The following VWC2L variants were observed in gnomAD, a reference collection of about 807,000 sequenced individuals.
The protein encoded by VWC2L is von Willebrand factor C domain-containing protein 2-like.
A neutral mutation model predicts 21.6 loss-of-function variants in VWC2L; 10 were observed. That is an observed-to-expected ratio of 0.46 (90% CI 0.29 to 0.78). VWC2L has a LOEUF of 0.78. VWC2L is among the 30% of genes least tolerant of loss of function. VWC2L has a pLI of 0.10. For missense variants in VWC2L, 209 were observed against 277.1 expected (o/e 0.75, Z 1.74); for synonymous variants, 96 against 94.3 (o/e 1.02, Z -0.10).
At chr2:214,466,003 G>A (rs1703211042) in intron 3 of VWC2L, among the ~76,000 whole-genome samples, 1 of 152,180 alleles carries the variant, frequency 6.6e-6, no homozygotes, top group South Asian at 2.1e-4. Flanking sequence ...ACTGCCAGAG[G>A]ATGTGGGAGG....
At chr2:214,532,316 T>C (rs1689448945) in intron 3 of VWC2L, among the ~76,000 whole-genome samples, 1 of 152,102 alleles carries the variant, frequency 6.6e-6, no homozygotes, top group Non-Finnish European at 1.5e-5. Flanking sequence ...GGTGATAAAA[T>C]CTGATCTTTT....
intron 3 of VWC2L, among the ~76,000 whole-genome samples, chr2:214,456,886 T>A (rs143890696): frequency 6.6e-6 from 1 of 152,140 alleles, no homozygotes; most frequent in South Asian, 2.1e-4. Context: ...TGGCTGTAAA[T>A]ATATGGATTT....
At chr2:214,567,751 T>C (rs1157755620) in intron 3 of VWC2L, among the ~76,000 whole-genome samples, 1 of 152,094 alleles carries the variant, frequency 6.6e-6, no homozygotes, top group Non-Finnish European at 1.5e-5. Context: ...AAAAAAATGG[T>C]GCTGTATCCC....
chr2:214,571,182 G>A (rs1261672464), intron 3 of VWC2L, among the ~76,000 whole-genome samples: 1 of 152,164 alleles, frequency 6.6e-6, no homozygotes, highest in Non-Finnish European at 1.5e-5. Flanking sequence ...CTGATCAGAA[G>A]CTCAGGATCC....
chr2:214,462,162 AG>A (rs1703153874), intron 3 of VWC2L, among the ~76,000 whole-genome samples: 1 of 152,192 alleles, frequency 6.6e-6, no homozygotes, highest in Admixed American at 6.5e-5. Context: ...GGGTTTTGGC[AG>A]GTGTGTGAAA....
At chr2:214,560,291 T>C (rs945357184) in intron 3 of VWC2L, among the ~76,000 whole-genome samples, 2 of 152,216 alleles carry the variant, frequency 1.3e-5, no homozygotes, top group African/African-American at 4.8e-5. Flanking sequence ...TACTCATCTT[T>C]TTTTAGTTAT....
intron 3 of VWC2L, among the ~76,000 whole-genome samples, chr2:214,550,085 G>A (rs1019421832): frequency 2.0e-5 from 3 of 152,190 alleles, no homozygotes; most frequent in African/African-American, 7.2e-5. Context: ...TTAGAATCAA[G>A]TTGGCTTGAA....
Position 214,470,916 on chromosome 2 carries a change from C to CAAAAAAAAAA in VWC2L, c.520+34176_520+34185dup, listed in dbSNP as rs56041924. 2.0e-4 allele frequency among the ~76,000 whole-genome samples: 10 copies of CAAAAAAAAAA among 50,796 alleles called. 1 individual carries two copies. The highest frequency in any genetic ancestry group is 7.0e-4 in the African/African-American group (7 of 9,968). The allele number at this position is 50,796 out of a possible 152,430, so 33.3% of individuals were successfully genotyped here. ...TGGGCAACAGAGTGAAACTCCATCT[C>CAAAAAAAAAA]AAAAAAAAAAAAAAAAAAAAAAAAA... is the stretch of plus-strand genomic sequence containing the variant. On this transcript the variant is annotated intron_variant, in intron 3 of 3. Coordinates refer to ENST00000312504, the MANE Select transcript of VWC2L (RefSeq NM_001080500.4).
chr2:214,488,993 C>A (rs1422722491), intron 3 of VWC2L, among the ~76,000 whole-genome samples: 1 of 152,236 alleles, frequency 6.6e-6, no homozygotes, highest in African/African-American at 2.4e-5. Flanking sequence ...TTGGGAATCA[C>A]ATTTCAGCAT....
intron 2 of VWC2L, among the ~76,000 whole-genome samples, chr2:214,432,678 C>T (rs1181767896): frequency 6.6e-6 from 1 of 152,084 alleles, no homozygotes; most frequent in African/African-American, 2.4e-5. Flanking sequence ...GCAGGAAACC[C>T]CTTTCTAATC....
At chr2:214,412,210 C>A (rs552962751) in intron 1 of VWC2L, among the ~76,000 whole-genome samples, 2 of 152,154 alleles carry the variant, frequency 1.3e-5, no homozygotes, top group African/African-American at 4.8e-5. Flanking sequence ...CACATTAATG[C>A]CTACCTGTGG....
At position 214,430,703 on chromosome 2, in the gene VWC2L, C is replaced by T. The variant is rs1702588450; in HGVS notation, c.391-5926C>T. On this transcript the variant is annotated intron_variant, in intron 2 of 3. Transcript: ENST00000312504. ...TTGATAGACATGCTGAAAAAATATACTCCAGAATGTATTATCAAAATACAA... is the reference window on the plus strand; with the variant it reads ...TTGATAGACATGCTGAAAAAATATATTCCAGAATGTATTATCAAAATACAA... 2.0e-5 allele frequency among the ~76,000 whole-genome samples: 3 copies of T among 152,100 alleles called. No homozygotes were observed. The South Asian group carries it at 6.2e-4, about 32-fold the overall frequency.
intron 3 of VWC2L, among the ~76,000 whole-genome samples, chr2:214,522,712 C>G (rs1027187810): frequency 2.1e-4 from 32 of 152,076 alleles, no homozygotes; most frequent in Non-Finnish European, 3.7e-4. Context: ...TTTTTTAAAA[C>G]ATACTACCTA....
intron 3 of VWC2L, among the ~76,000 whole-genome samples, chr2:214,459,359 T>A (rs1157509887): frequency 6.6e-6 from 1 of 152,220 alleles, no homozygotes; most frequent in Admixed American, 6.5e-5. Flanking sequence ...ATTTTTTAAA[T>A]CAATTCAACT....
intron 3 of VWC2L, among the ~76,000 whole-genome samples, chr2:214,555,238 G>A (rs971244815): frequency 6.6e-6 from 1 of 152,080 alleles, no homozygotes; most frequent in South Asian, 2.1e-4. Context: ...AAGTTGTCCC[G>A]CCCTTACAGC....
chr2:214,531,900 A>G (rs2105916385), intron 3 of VWC2L, among the ~76,000 whole-genome samples: 1 of 152,322 alleles, frequency 6.6e-6, no homozygotes, highest in Middle Eastern at 3.4e-3. Context: ...GTATTTCCAC[A>G]CATGCACTAA....
chr2:214,523,639 G>A (rs909525540), intron 3 of VWC2L, among the ~76,000 whole-genome samples: 1 of 152,120 alleles, frequency 6.6e-6, no homozygotes, highest in Admixed American at 6.5e-5. Flanking sequence ...AGGAATTTGA[G>A]ACCAGCCTGG....
At chr2:214,506,121 G>A (rs193279125) in intron 3 of VWC2L, among the ~76,000 whole-genome samples, 1 of 152,230 alleles carries the variant, frequency 6.6e-6, no homozygotes, top group Admixed American at 6.5e-5. Context: ...ATTATCTCAT[G>A]TTTCTATCTT....
At chr2:214,433,383 T>C (rs1702632933) in intron 2 of VWC2L, among the ~76,000 whole-genome samples, 1 of 152,002 alleles carries the variant, frequency 6.6e-6, no homozygotes, top group Non-Finnish European at 1.5e-5. Context: ...TACAAATCTC[T>C]AGCTGGCAAA....
Sources: gnomAD v4.1 joint callset for allele counts (sites outside exome capture counted in the v4.1 genomes callset) on GRCh38, gnomAD v4.1.1 for gene constraint, MANE v1.5 for transcripts, NCBI Gene and HGNC (gene_info 2026-07-23, HGNC 2026-07-21) for gene names.